Variants in MAGI2 observed in about 807,000 individuals in gnomAD.
The protein encoded by MAGI2 is membrane associated guanylate kinase, WW and PDZ domain containing 2, also known as membrane-associated guanylate kinase, WW and PDZ domain-containing protein 2.
In MAGI2, 35 loss-of-function variants were observed where a neutral mutation model predicts 133.3. That is an observed-to-expected ratio of 0.26 (90% CI 0.20 to 0.35). The LOEUF (loss-of-function observed/expected upper bound fraction) is 0.35, where lower values mean the gene tolerates loss of function less well. MAGI2 is among the 10% of genes least tolerant of loss of function. The pLI, the probability that MAGI2 is intolerant of heterozygous loss-of-function variation, is 1.00. For missense variants in MAGI2, 1,636 were observed against 1,863.4 expected, an observed-to-expected ratio of 0.88 and a Z score of 2.25; for synonymous variants, 729 against 710.6, an observed-to-expected ratio of 1.03 and a Z score of -0.41.
intron 1 of MAGI2, among the ~76,000 whole-genome samples, chr7:79,020,020 A>C (rs1809133582): frequency 6.6e-6 from 1 of 152,244 alleles, no homozygotes; most frequent in Non-Finnish European, 1.5e-5. Flanking sequence ...AAGATGTGCG[A>C]AAGTTTGTAA....
chr7:79,326,308 G>A (rs1003948040), intron 1 of MAGI2, among the ~76,000 whole-genome samples: 1 of 151,994 alleles, frequency 6.6e-6, no homozygotes, highest in East Asian at 1.9e-4. Context: ...TATAATCATT[G>A]TTCATAACCA....
chr7:78,274,750 C>A (rs1219968771), intron 9 of MAGI2, among the ~76,000 whole-genome samples: 2 of 152,130 alleles, frequency 1.3e-5, no homozygotes, highest in Non-Finnish European at 2.9e-5. Context: ...GAGGGGAAAA[C>A]CACCTACTCA....
intron 1 of MAGI2, among the ~76,000 whole-genome samples, chr7:79,123,037 CAG>C (rs1820052621): frequency 6.6e-6 from 1 of 152,128 alleles, no homozygotes; most frequent in Non-Finnish European, 1.5e-5. Context: ...TTAAGAGAAA[CAG>C]AGAATGAAGG....
At chr7:79,089,083 A>G (rs920599371) in intron 1 of MAGI2, among the ~76,000 whole-genome samples, 1 of 152,204 alleles carries the variant, frequency 6.6e-6, no homozygotes, top group Non-Finnish European at 1.5e-5. Context: ...CAGAATCTAC[A>G]AAGAACTTAA....
chr7:78,851,146 G>T (rs913877459), intron 2 of MAGI2, among the ~76,000 whole-genome samples: 2 of 151,896 alleles, frequency 1.3e-5, no homozygotes, highest in African/African-American at 4.8e-5. Flanking sequence ...AAATAATTGA[G>T]CAAAACTAGA....
At chr7:79,421,092 G>C (rs1299013136) in intron 1 of MAGI2, among the ~76,000 whole-genome samples, 1 of 151,898 alleles carries the variant, frequency 6.6e-6, no homozygotes, top group African/African-American at 2.4e-5. Context: ...ATATTCCTTT[G>C]GGTACCGTGG....
intron 2 of MAGI2, among the ~76,000 whole-genome samples, chr7:78,847,869 G>C (rs1792760943): frequency 6.6e-6 from 1 of 151,914 alleles, no homozygotes. Flanking sequence ...GAAGGCAGGG[G>C]ATTTTGTGCT....
At chr7:78,138,415 ACAT>A (rs1463731544) in intron 16 of MAGI2, among the ~76,000 whole-genome samples, 1 of 152,322 alleles carries the variant, frequency 6.6e-6, no homozygotes, top group Admixed American at 6.5e-5. Flanking sequence ...TTAGGATGTC[ACAT>A]CATGGTGTCA....
intron 2 of MAGI2, among the ~76,000 whole-genome samples, chr7:78,863,121 C>T (rs1015165558): frequency 2.6e-5 from 4 of 152,180 alleles, no homozygotes; most frequent in African/African-American, 9.7e-5. Flanking sequence ...TGACTTAAAA[C>T]ATGATAGCAA....
intron 1 of MAGI2, among the ~76,000 whole-genome samples, chr7:79,069,653 C>G (rs1376591658): frequency 6.6e-6 from 1 of 152,100 alleles, no homozygotes; most frequent in Non-Finnish European, 1.5e-5. Context: ...CATTATGATG[C>G]TAGCTTGTTA....
intron 1 of MAGI2, among the ~76,000 whole-genome samples, chr7:79,115,765 A>G (rs1819335055): frequency 6.6e-6 from 1 of 151,974 alleles, no homozygotes; most frequent in Non-Finnish European, 1.5e-5. Context: ...AAAATGTGGA[A>G]TAAATTTTAT....
intron 1 of MAGI2, among the ~76,000 whole-genome samples, chr7:79,312,336 G>A (rs890559654): frequency 6.6e-5 from 10 of 152,002 alleles, no homozygotes; most frequent in African/African-American, 4.8e-5. Flanking sequence ...CTCAGTAGGC[G>A]CCAACAACAC....
chr7:79,021,095 G>A (rs1809283174), intron 1 of MAGI2, among the ~76,000 whole-genome samples: 1 of 152,250 alleles, frequency 6.6e-6, no homozygotes. Flanking sequence ...CAGGTGCACA[G>A]AAGTCAAGAA....
intron 2 of MAGI2, among the ~76,000 whole-genome samples, chr7:78,653,789 A>G (rs1811840822): frequency 6.6e-6 from 1 of 152,006 alleles, no homozygotes; most frequent in Non-Finnish European, 1.5e-5. Flanking sequence ...AAAAAAAAAA[A>G]AAACAAGGAT....
intron 2 of MAGI2, among the ~76,000 whole-genome samples, chr7:78,779,391 A>C (rs1335962389): frequency 2.6e-5 from 4 of 152,216 alleles, no homozygotes; most frequent in Admixed American, 6.5e-5. Flanking sequence ...AGTCAAGTGA[A>C]TTACTTTCCT....
chr7:78,870,265 T>C (rs966249779), intron 2 of MAGI2, among the ~76,000 whole-genome samples: 2 of 151,080 alleles, frequency 1.3e-5, no homozygotes, highest in African/African-American at 4.9e-5. Context: ...GAGAATCACC[T>C]GAACCAGGGA....
At chr7:78,350,859 T>C (rs1194930267) in intron 7 of MAGI2, among the ~76,000 whole-genome samples, 1 of 152,216 alleles carries the variant, frequency 6.6e-6, no homozygotes, top group Non-Finnish European at 1.5e-5. Flanking sequence ...GCTCCCTGTA[T>C]ATCTATATCT....
chr7:78,810,839 A>G (rs912086130), intron 2 of MAGI2, among the ~76,000 whole-genome samples: 8 of 152,082 alleles, frequency 5.3e-5, no homozygotes, highest in Admixed American at 4.6e-4. Context: ...AAAAATAAAT[A>G]ATTATTTCTT....
chr7:78,564,938 C>A (rs1243632255), intron 3 of MAGI2, among the ~76,000 whole-genome samples: 1 of 151,442 alleles, frequency 6.6e-6, no homozygotes, highest in Non-Finnish European at 1.5e-5. Flanking sequence ...GGACTACAGG[C>A]ACCCGCCACC....
Sources: gnomAD v4.1 joint callset for allele counts (sites outside exome capture counted in the v4.1 genomes callset) on GRCh38, gnomAD v4.1.1 for gene constraint, MANE v1.5 for transcripts, NCBI Gene and HGNC (gene_info 2026-07-23, HGNC 2026-07-21) for gene names.